The following POLB variants were observed in gnomAD, a reference collection of about 807,000 sequenced individuals.
POLB encodes 5'-dRP lyase.
A neutral mutation model predicts 52.7 loss-of-function variants in POLB; 37 were observed. That is an observed-to-expected ratio of 0.70 (90% confidence interval 0.54 to 0.92). POLB has a LOEUF of 0.92. Among genes scored for constraint, POLB ranks in the 40% least tolerant of loss-of-function variants. POLB has a pLI of 0.00. For missense variants in POLB, 313 were observed against 400.8 expected (o/e 0.78, Z 1.87); for synonymous variants, 138 against 131.3 (o/e 1.05, Z -0.35).
chr8:42,353,755 A>G (rs959493169), intron 6 of POLB, among the ~76,000 whole-genome samples: 2 of 152,022 alleles, frequency 1.3e-5, no homozygotes, highest in South Asian at 2.1e-4. Context: ...TTTGAATCCC[A>G]CCTCCACTAC....
chr8:42,359,065 T>C (rs545143464), intron 9 of POLB, among the ~76,000 whole-genome samples: 1 of 152,288 alleles, frequency 6.6e-6, no homozygotes, highest in South Asian at 2.1e-4. Context: ...GGGTATGTTG[T>C]ATGGTTATAT....
At chr8:42,351,090 G>C (rs1019618540) in intron 5 of POLB, among the ~76,000 whole-genome samples, 1 of 152,140 alleles carries the variant, frequency 6.6e-6, no homozygotes, top group Non-Finnish European at 1.5e-5. Flanking sequence ...GCCTAGGCTG[G>C]TCTTGAACTC....
At chr8:42,350,157 A>C in intron 5 of POLB, 92 bp downstream of exon 5, 3 of 839,804 alleles carry the variant, frequency 3.6e-6, no homozygotes, top group Non-Finnish European at 2.1e-6. Flanking sequence ...CAAAACCTGT[A>C]CTTCACCACC....
At chr8:42,363,527 CAAAAAAAA>C (rs1163249252) in intron 11 of POLB, among the ~76,000 whole-genome samples, 4 of 15,818 alleles carry the variant, frequency 2.5e-4, no homozygotes, top group East Asian at 1.6e-3. Context: ...GACTCTGTCT[CAAAAAAAA>C]AAAAAAAAAA....
At chr8:42,367,618 C>T (rs1824125704) in intron 11 of POLB, among the ~76,000 whole-genome samples, 1 of 152,196 alleles carries the variant, frequency 6.6e-6, no homozygotes, top group South Asian at 2.1e-4. Flanking sequence ...GCTATCACCA[C>T]TTACTAGTCT....
At chr8:42,350,354 A>G (rs372932647) in intron 5 of POLB, among the ~76,000 whole-genome samples, 7 of 152,238 alleles carry the variant, frequency 4.6e-5, no homozygotes, top group South Asian at 2.1e-4. Context: ...CTCCGTGTGC[A>G]TCTATTTCCT....
intron 4 of POLB, chr8:42,349,344 T>G (rs1321590635): frequency 1.0e-5 from 3 of 300,802 alleles, no homozygotes; most frequent in South Asian, 1.1e-4. Context: ...GAAAAGAGAT[T>G]ATAAACTTTG....
At chr8:42,355,988 T>G (rs1283293902) in intron 7 of POLB, among the ~76,000 whole-genome samples, 1 of 151,984 alleles carries the variant, frequency 6.6e-6, no homozygotes, top group Non-Finnish European at 1.5e-5. Context: ...AAAACTAAAT[T>G]TAAAAAAAGG....
intron 11 of POLB, among the ~76,000 whole-genome samples, chr8:42,366,165 G>T (rs1012338326): frequency 6.6e-6 from 1 of 152,018 alleles, no homozygotes; most frequent in Non-Finnish European, 1.5e-5. Flanking sequence ...AAGGAAAGGT[G>T]GGTAGCCAAG....
intron 2 of POLB, among the ~76,000 whole-genome samples, chr8:42,343,857 CGTG>C (rs1407286349): frequency 2.0e-5 from 3 of 152,240 alleles, no homozygotes; most frequent in South Asian, 2.1e-4. Context: ...GTAGGCCAGG[CGTG>C]GTGGCTCACG....
intron 13 of POLB, among the ~76,000 whole-genome samples, chr8:42,371,150 T>C (rs1824360725): frequency 6.6e-6 from 1 of 151,870 alleles, no homozygotes; most frequent in Non-Finnish European, 1.5e-5. Context: ...TGAAATGGAG[T>C]TTCGCTCTTG....
intron 2 of POLB, chr8:42,341,926 A>G: frequency 1.5e-6 from 1 of 670,666 alleles, no homozygotes; most frequent in Non-Finnish European, 2.7e-6. Context: ...CTATAGCAGC[A>G]TGAGCTTTCA....
chr8:42,353,616 TACTTTTCATGG>T (rs1823121611), intron 6 of POLB, among the ~76,000 whole-genome samples: 1 of 152,222 alleles, frequency 6.6e-6, no homozygotes, highest in Admixed American at 6.5e-5. Context: ...TATCTCTTTA[TACTTTTCATGG>T]GTGTATGTAT....
intron 11 of POLB, among the ~76,000 whole-genome samples, chr8:42,366,300 A>T (rs1297950127): frequency 6.6e-6 from 1 of 152,190 alleles, no homozygotes; most frequent in Non-Finnish European, 1.5e-5. Flanking sequence ...TCTTTCAATC[A>T]TACATCTGGC....
intron 9 of POLB, among the ~76,000 whole-genome samples, chr8:42,358,258 T>C (rs1371012446): frequency 2.6e-5 from 4 of 151,984 alleles, no homozygotes; most frequent in African/African-American, 4.8e-5. Context: ...ATCCCAGCAC[T>C]TTGGGAGGCC....
At chr8:42,351,947 G>A (rs1402326437) in intron 5 of POLB, among the ~76,000 whole-genome samples, 2 of 152,032 alleles carry the variant, frequency 1.3e-5, no homozygotes, top group East Asian at 1.9e-4. Context: ...CAGCCTTAGG[G>A]CCCTTGCACT....
At position 42,344,997 on chromosome 8, in the gene POLB, G is replaced by A; in HGVS notation, c.164G>A (p.Ser55Asn). The change falls in exon 3 of 14, where the codon AGT (serine) becomes AAT (asparagine). Residue 55 changes from serine to asparagine, a missense_variant. By Grantham distance (46) the Ser-to-Asn change is conservative. This residue lies in a region of POLB where 13 missense variants were observed against 39.8 expected (regional missense o/e 0.33). Coordinates refer to ENST00000265421, the MANE Select transcript of POLB (RefSeq NM_002690.3). ...VIAKYPHKIK[S>N]GAEAKKLPGV... ...GCAAAATACCCACACAAAATAAAGA[G>A]TGGAGCTGAAGCTAAGAAATTGGTA... The A allele has an allele frequency of 6.2e-7, 1 of 1,609,424 alleles. No homozygotes were observed. The highest frequency in any genetic ancestry group is 8.5e-7 in the Non-Finnish European group (1 of 1,175,848).
At chr8:42,352,467 A>AATAG in intron 5 of POLB, 52 bp from the exon 6 acceptor site, 1 of 1,157,912 alleles carries the variant, frequency 8.6e-7, no homozygotes, top group Non-Finnish European at 1.3e-6. Flanking sequence ...CATGGTTGTT[A>AATAG]CAAGGATCCC....
chr8:42,361,073 G>C, intron 9 of POLB: 1 of 674,870 alleles, frequency 1.5e-6, no homozygotes, highest in Non-Finnish European at 2.7e-6. Context: ...TATATCTAAT[G>C]CCAATTACTG....
Sources: gnomAD v4.1 joint callset for allele counts (sites outside exome capture counted in the v4.1 genomes callset) on GRCh38, gnomAD v4.1.1 for gene constraint, gnomAD v4.1.1 regional missense constraint, MANE v1.5 for transcripts, NCBI Gene and HGNC (gene_info 2026-07-23, HGNC 2026-07-21) for gene names.